Variants in ERICH3 observed in about 807,000 individuals in gnomAD.
The protein encoded by ERICH3 is glutamate rich 3, also known as glutamate-rich protein 3.
A neutral mutation model predicts 131.1 loss-of-function variants in ERICH3; 126 were observed. The ratio of observed to expected loss-of-function variants is 0.96; its 90% CI spans 0.83 to 1.11. The LOEUF is 1.11. Among genes scored for constraint, ERICH3 ranks in the 50% most tolerant of loss-of-function variants. The pLI, the probability that ERICH3 is intolerant of heterozygous loss-of-function variation, is 0.00. For missense variants in ERICH3, 2,050 were observed against 1,810.7 expected (o/e 1.13, Z -2.40); for synonymous variants, 695 against 644.6 (o/e 1.08, Z -1.18).
Position 74,571,795 on chromosome 1 carries a change from C to A in ERICH3, c.3915G>T (p.Glu1305Asp), listed in dbSNP as rs1487775227. 6.2e-7 allele frequency: 1 copy of A among 1,613,902 alleles called. No homozygotes were observed. Among genetic ancestry groups the A allele is most frequent in the African/African-American group, 1.3e-5 (1 of 75,036 alleles). The change falls in exon 14 of 15, where the codon GAG becomes GAT. Residue 1305 changes from glutamate (E) to aspartate (D), a missense_variant. By Grantham distance (45) the Glu-to-Asp change is conservative. Coordinates refer to ENST00000326665, the MANE Select transcript of ERICH3 (RefSeq NM_001002912.5). Reference sequence around the variant, plus strand: ...AGTTCCTGTCCTGCATCGCTTCTGTCTCCAGAGTGCACTCTTTGTCCTCTT... The same window carrying A: ...AGTTCCTGTCCTGCATCGCTTCTGTATCCAGAGTGCACTCTTTGTCCTCTT... ...EEEEDKECTL[E>D]TEAMQDRNSE...
chr1:74,668,337 T>C (rs987195868), intron 1 of ERICH3, among the ~76,000 whole-genome samples: 1 of 152,176 alleles, frequency 6.6e-6, no homozygotes, highest in African/African-American at 2.4e-5. Flanking sequence ...GGTGGTCTTA[T>C]TAGGTAGTGC....
chr1:74,646,280 C>A (rs1000397762), intron 3 of ERICH3, among the ~76,000 whole-genome samples: 1 of 151,942 alleles, frequency 6.6e-6, no homozygotes, highest in Non-Finnish European at 1.5e-5. Context: ...ACAGATGTCA[C>A]CTTTTTTAGC....
chr1:74,635,259 T>C (rs1646378499), intron 6 of ERICH3, among the ~76,000 whole-genome samples: 1 of 152,154 alleles, frequency 6.6e-6, no homozygotes, highest in Admixed American at 6.6e-5. Context: ...CAGTCTTCCC[T>C]GGATGAAGCA....
At chr1:74,635,134 A>C (rs537044265) in intron 6 of ERICH3, among the ~76,000 whole-genome samples, 1 of 152,224 alleles carries the variant, frequency 6.6e-6, no homozygotes, top group Admixed American at 6.5e-5. Context: ...AGATGTGACT[A>C]TTCCTGGACC....
At chr1:74,574,417 A>G (rs1647015539) in intron 13 of ERICH3, among the ~76,000 whole-genome samples, 1 of 152,198 alleles carries the variant, frequency 6.6e-6, no homozygotes, top group East Asian at 1.9e-4. Flanking sequence ...ATGATAAGCT[A>G]CTATATCTAG....
rs1425993240 is a variant in ERICH3, at chr1:74,571,400, A to C, written c.4310T>G (p.Leu1437Arg). 1.2e-6 allele frequency: 2 copies of C among 1,613,726 alleles called. No homozygotes were observed. The highest frequency in any genetic ancestry group is 2.7e-5 in the African/African-American group (2 of 74,828). The change falls in exon 14 of 15, where the codon CTG (leucine) becomes CGG (arginine). Residue 1437 changes from leucine to arginine, a missense_variant. Transcript: ENST00000326665. The part of the protein sequence containing the change: ...TEAGVGTPGA[L>R]ERKTSGLGQE... Reference sequence around the variant, plus strand: ...TCCTAGCCCTGAGGTCTTCCGCTCCAGGGCTCCTGGAGTGCCCACCCCAGC... The same window carrying C: ...TCCTAGCCCTGAGGTCTTCCGCTCCCGGGCTCCTGGAGTGCCCACCCCAGC...
At chr1:74,674,111 G>T (rs1247675446), upstream of ERICH3, among the ~76,000 whole-genome samples, 1 of 152,114 alleles carries the variant, frequency 6.6e-6, no homozygotes, top group South Asian at 2.1e-4. Flanking sequence ...GGGAAAGAAG[G>T]ACGTCTCTCA....
chr1:74,575,180 G>A (rs552628560), intron 13 of ERICH3, among the ~76,000 whole-genome samples: 11 of 152,148 alleles, frequency 7.2e-5, no homozygotes, highest in Non-Finnish European at 1.0e-4. Flanking sequence ...TTTCATTACC[G>A]CTTCTAACAC....
intron 1 of ERICH3, among the ~76,000 whole-genome samples, chr1:74,652,889 A>G (rs1034649090): frequency 3.3e-5 from 5 of 151,966 alleles, no homozygotes; most frequent in Non-Finnish European, 5.9e-5. Flanking sequence ...TGGGGGAAAA[A>G]CCCACTTCCT....
At chr1:74,601,233 A>G (rs1033118499) in intron 10 of ERICH3, among the ~76,000 whole-genome samples, 8 of 151,890 alleles carry the variant, frequency 5.3e-5, no homozygotes, top group Admixed American at 6.6e-5. Context: ...AAATATTTTG[A>G]TCCAAGTATT....
In ERICH3 at chr1:74,586,579, A is replaced by G. The variant is rs141192089; in HGVS notation, c.2176+3052T>C. The stretch of plus-strand genomic sequence containing the variant: ...ACCTTAAAATATCTATAACTTTTGA[A>G]CAAAAATTATACTTATTGAAATTTA... On this transcript the variant is annotated intron_variant, in intron 12 of 14. Coordinates refer to ENST00000326665, the MANE Select transcript of ERICH3 (RefSeq NM_001002912.5). 1.1e-4 allele frequency: 85 copies of G among 776,528 alleles called. No homozygotes were observed. In the African/African-American group the frequency reaches 1.4e-3, roughly 13 times the overall value. 48.1% of individuals were successfully genotyped at this position (776,528 alleles called of 1,614,324 possible).
intron 11 of ERICH3, among the ~76,000 whole-genome samples, chr1:74,591,323 A>G (rs536897899): frequency 2.0e-5 from 3 of 152,308 alleles, no homozygotes; most frequent in African/African-American, 4.8e-5. Flanking sequence ...CCCCATCTCA[A>G]TCTCAACCTG....
chr1:74,644,337 G>T (rs1646464008), intron 3 of ERICH3, among the ~76,000 whole-genome samples: 3 of 152,052 alleles, frequency 2.0e-5, no homozygotes, highest in Admixed American at 1.3e-4. Flanking sequence ...CACATCTACT[G>T]ACTTGCCACT....
At chr1:74,606,017 T>G in intron 10 of ERICH3, among the ~76,000 whole-genome samples, 1 of 79,162 alleles carries the variant, frequency 1.3e-5, no homozygotes, top group Non-Finnish European at 2.3e-5. Flanking sequence ...TCTGTGTGTG[T>G]GTGTGGGTGG....
chr1:74,626,157 G>A (rs1024779416), intron 7 of ERICH3: 27 of 152,090 alleles, frequency 1.8e-4, no homozygotes, highest in Non-Finnish European at 1.5e-5. Context: ...AATTGCATAT[G>A]TGGCTTGCCT....
intron 12 of ERICH3, among the ~76,000 whole-genome samples, chr1:74,588,220 A>G (rs1647422903): frequency 1.3e-5 from 2 of 152,214 alleles, no homozygotes; most frequent in African/African-American, 4.8e-5. Context: ...TTTCTCAAAT[A>G]CGTTCTTCGT....
intron 9 of ERICH3, among the ~76,000 whole-genome samples, chr1:74,610,954 C>G (rs1648665097): frequency 6.6e-6 from 1 of 152,160 alleles, no homozygotes; most frequent in Non-Finnish European, 1.5e-5. Flanking sequence ...GGTTCTCTTT[C>G]TATTCACTGC....
intron 4 of ERICH3, among the ~76,000 whole-genome samples, chr1:74,642,311 A>G (rs80129005): frequency 0.052 from 7,906 of 152,230 alleles, 278 homozygotes; most frequent in Non-Finnish European, 0.082. Context: ...AGCTTTACAA[A>G]TATTCATCAG....
At position 74,579,810 on chromosome 1, in the gene ERICH3, C is replaced by G. The variant is rs931959616; in HGVS notation, c.2177-2874G>C. ...ATCCCCTAAGGCTCCTGTCTTTTAC[C>G]TATCAATAAAGGTGACCACTGGAGG... On this transcript the variant is annotated intron_variant, in intron 12 of 14. Coordinates refer to ENST00000326665, the MANE Select transcript of ERICH3 (RefSeq NM_001002912.5). 22 of 985,126 alleles carry G rather than the reference C, an allele frequency of 2.2e-5. No individual in the cohort carries two copies. The African/African-American group carries it at 3.3e-4, about 15-fold the overall frequency. 61.0% of individuals were successfully genotyped at this position (985,126 alleles called of 1,614,324 possible).
Sources: allele counts gnomAD v4.1 joint callset (sites outside exome capture counted in the v4.1 genomes callset), GRCh38; gene constraint gnomAD v4.1.1; transcripts MANE v1.5; gene names NCBI Gene and HGNC (gene_info 2026-07-23, HGNC 2026-07-21).